Variants in THSD7A observed in about 807,000 individuals in gnomAD.
The protein encoded by THSD7A is thrombospondin type-1 domain-containing protein 7A.
In THSD7A, 96 loss-of-function variants were observed where a neutral mutation model predicts 231.3. That is an observed-to-expected ratio of 0.41 (90% CI 0.35 to 0.49). The LOEUF is 0.49. Among genes scored for constraint, THSD7A ranks in the 20% least tolerant of loss-of-function variants. The pLI, the probability that THSD7A is intolerant of heterozygous loss-of-function variation, is 0.05. For synonymous variants in THSD7A, 940 were observed against 743.3 expected (o/e 1.26, Z -4.30); for missense variants, 2,290 against 2,070.2 (o/e 1.11, Z -2.06).
At chr7:11,493,568 A>G (rs1196260839) in intron 6 of THSD7A, among the ~76,000 whole-genome samples, 1 of 152,126 alleles carries the variant, frequency 6.6e-6, no homozygotes, top group Non-Finnish European at 1.5e-5. Flanking sequence ...TTAAAATCCA[A>G]TATGTAAGAA....
At chr7:11,689,686 A>C (rs1406966678) in intron 1 of THSD7A, among the ~76,000 whole-genome samples, 2 of 151,664 alleles carry the variant, frequency 1.3e-5, no homozygotes, top group Non-Finnish European at 2.9e-5. Context: ...CAAGAAAGTT[A>C]ACCTATGATT....
chr7:11,770,878 A>C (rs576750342), intron 1 of THSD7A, among the ~76,000 whole-genome samples: 51 of 152,122 alleles, frequency 3.4e-4, no homozygotes, highest in African/African-American at 1.1e-3. Context: ...AATGTATTTT[A>C]CTTTTTAAAA....
At chr7:11,441,051 G>C (rs1784788287) in intron 13 of THSD7A, among the ~76,000 whole-genome samples, 1 of 151,986 alleles carries the variant, frequency 6.6e-6, no homozygotes, top group Non-Finnish European at 1.5e-5. Flanking sequence ...TGCAACGCCA[G>C]TAGGTTGTAA....
At chr7:11,547,445 A>G (rs1789447803) in intron 4 of THSD7A, among the ~76,000 whole-genome samples, 1 of 152,194 alleles carries the variant, frequency 6.6e-6, no homozygotes, top group African/African-American at 2.4e-5. Flanking sequence ...AAGTAAAAGG[A>G]TGGAGAAAAC....
rs79546158 is a variant in THSD7A at position 11,656,008 on chromosome 7, G to A, written c.191-19047C>T. ...TTCATTTCACCTCTGAATTCTTCCCGATTTCTTAATCAGCAGCCTTCACTG... is the reference window on the plus strand; with the variant it reads ...TTCATTTCACCTCTGAATTCTTCCCAATTTCTTAATCAGCAGCCTTCACTG... On this transcript the variant is annotated intron_variant, in intron 1 of 27. Transcript: ENST00000423059. Among the ~76,000 whole-genome samples, 284 of 151,898 alleles carry A rather than the reference G, an allele frequency of 1.9e-3. 2 individuals are homozygous for A. The highest frequency in any genetic ancestry group is 6.5e-3 in the African/African-American group (271 of 41,492).
Position 11,411,136 on chromosome 7 carries a change from C to T in THSD7A, c.3798+71G>A. The T allele has an allele frequency of 8.3e-7, 1 of 1,205,404 alleles. No individual in the cohort carries two copies. Among genetic ancestry groups the T allele is most frequent in the Non-Finnish European group, 1.2e-6 (1 of 829,910 alleles). The allele number at this position is 1,205,404 out of a possible 1,614,324, so 74.7% of individuals were successfully genotyped here. A position where few individuals can be genotyped will look rare whatever the true frequency, so the allele number is the denominator to read the frequency against. Reference sequence around the variant, plus strand: ...AATGAGCTGCATGGAGCACGGGTCACTTGGCTCAGCATGAATTGAAATTAT... The same window carrying T: ...AATGAGCTGCATGGAGCACGGGTCATTTGGCTCAGCATGAATTGAAATTAT... On this transcript the variant is annotated intron_variant, in intron 19 of 27. Transcript: ENST00000423059. The surrounding 1 kb of genome is among the most constrained non-coding windows in gnomAD (Gnocchi z 4.1).
intron 2 of THSD7A, among the ~76,000 whole-genome samples, chr7:11,597,300 A>T (rs1391923077): frequency 6.6e-6 from 1 of 152,220 alleles, no homozygotes; most frequent in Non-Finnish European, 1.5e-5. Flanking sequence ...AAAGAGGCAC[A>T]ATGGCTAGTG....
In THSD7A at chr7:11,516,425, C is replaced by T. The variant is rs981917465; in HGVS notation, c.1822+24994G>A. 4.6e-5 allele frequency among the ~76,000 whole-genome samples: 7 copies of T among 152,260 alleles called. No individual in the cohort carries two copies. In the East Asian group the frequency reaches 1.4e-3, roughly 29 times the overall value. On this transcript the variant is annotated intron_variant, in intron 6 of 27. Transcript: ENST00000423059. ...AGATGACCTACTACTGATCAGCTAG[C>T]TCTGCCAGAAGAAAAATTACTGAAG...
At chr7:11,468,712 T>C (rs1014993800) in intron 9 of THSD7A, among the ~76,000 whole-genome samples, 1 of 152,110 alleles carries the variant, frequency 6.6e-6, no homozygotes, top group African/African-American at 2.4e-5. Flanking sequence ...CATGTGCCTA[T>C]AGTCTCAGTG....
chr7:11,436,776 T>C (rs1177260275), intron 13 of THSD7A, among the ~76,000 whole-genome samples: 1 of 151,968 alleles, frequency 6.6e-6, no homozygotes, highest in African/African-American at 2.4e-5. Flanking sequence ...TTCTTCTTCC[T>C]ACATTATTTT....
chr7:11,454,145 T>G lies in THSD7A; in HGVS notation c.2605+6517A>C, dbSNP rs1785229918. ...CCATACTTCATGTTATTTGCATTTC[T>G]CTTTTATTGACAATTTTATAGGGAA... is the stretch of plus-strand genomic sequence containing the variant. On this transcript the variant is annotated intron_variant, in intron 11 of 27. Transcript: ENST00000423059. Among the ~76,000 whole-genome samples the G allele has an allele frequency of 2.6e-5, 4 of 152,030 alleles. No individual in the cohort carries two copies. The South Asian group carries it at 8.3e-4, about 31-fold the overall frequency.
chr7:11,631,432 T>C (rs1181074501), intron 2 of THSD7A, among the ~76,000 whole-genome samples: 2 of 152,146 alleles, frequency 1.3e-5, no homozygotes, highest in Admixed American at 1.3e-4. Flanking sequence ...CATGATTTTG[T>C]CTATGTCAAA....
At chr7:11,708,591 A>G (rs1780845849) in intron 1 of THSD7A, among the ~76,000 whole-genome samples, 1 of 150,764 alleles carries the variant, frequency 6.6e-6, no homozygotes. Context: ...TGTAACATGT[A>G]AATTTTTGAG....
In THSD7A at chr7:11,402,944, A is replaced by G. The variant is rs1783456369; in HGVS notation, c.4238-976T>C. On this transcript the variant is annotated intron_variant, in intron 22 of 27. Transcript: ENST00000423059. ...AGTACAAGTCTTTTGATGAACTTAT[A>G]TATGCATTTCTGTTGGGTATGTACC... Among the ~76,000 whole-genome samples, 2 of 152,172 alleles carry G rather than the reference A, an allele frequency of 1.3e-5. 1 individual carries two copies. Among genetic ancestry groups the G allele is most frequent in the South Asian group, 4.1e-4 (2 of 4,834 alleles).
chr7:11,655,642 G>C (rs1459511042), intron 1 of THSD7A, among the ~76,000 whole-genome samples: 2 of 151,752 alleles, frequency 1.3e-5, no homozygotes, highest in African/African-American at 2.4e-5. Flanking sequence ...AAACAGAGTA[G>C]ACAAACAGTA....
At chr7:11,419,224 G>A (rs1171979842) in intron 16 of THSD7A, among the ~76,000 whole-genome samples, 1 of 152,106 alleles carries the variant, frequency 6.6e-6, no homozygotes, top group African/African-American at 2.4e-5. Context: ...ATTTGGCTGT[G>A]TGTCCCCACC....
chr7:11,762,961 A>G (rs909728852), intron 1 of THSD7A, among the ~76,000 whole-genome samples: 1 of 152,194 alleles, frequency 6.6e-6, no homozygotes, highest in Non-Finnish European at 1.5e-5. Context: ...TGTAAAATTC[A>G]TATGGAACCA....
intron 1 of THSD7A, among the ~76,000 whole-genome samples, chr7:11,774,604 T>A (rs1442434866): frequency 6.6e-6 from 1 of 152,208 alleles, no homozygotes; most frequent in Admixed American, 6.5e-5. Flanking sequence ...ATCAAGCACA[T>A]GTATGCCTAT....
At chr7:11,487,153 G>A (rs186403061) in intron 6 of THSD7A, among the ~76,000 whole-genome samples, 1 of 151,992 alleles carries the variant, frequency 6.6e-6, no homozygotes, top group African/African-American at 2.4e-5. Flanking sequence ...CCCTTGTTTG[G>A]TCTATTTTCA....
Sources: gnomAD v4.1 joint callset for allele counts (sites outside exome capture counted in the v4.1 genomes callset) on GRCh38, gnomAD v4.1.1 for gene constraint, Gnocchi (gnomAD v3.1) non-coding constraint, MANE v1.5 for transcripts, NCBI Gene and HGNC (gene_info 2026-07-23, HGNC 2026-07-21) for gene names.